The following NTNG1 variants were observed in gnomAD, a reference collection of about 807,000 sequenced individuals.
The protein encoded by NTNG1 is netrin G1.
NTNG1 carries 16 observed loss-of-function variants against 54.0 expected under a neutral mutation model. That is an observed-to-expected ratio of 0.30 (90% CI 0.20 to 0.45). The LOEUF is 0.45. Among genes scored for constraint, NTNG1 ranks in the 20% least tolerant of loss-of-function variants. The probability of loss-of-function intolerance (pLI) is 1.00; values close to 1 mark genes in which losing one functional copy is unlikely to be tolerated. For missense variants in NTNG1, 530 were observed against 678.7 expected, an observed-to-expected ratio of 0.78 and a Z score of 2.43; for synonymous variants, 255 against 263.1, an observed-to-expected ratio of 0.97 and a Z score of 0.30.
At chr1:107,301,350 G>T (rs1666298805) in intron 2 of NTNG1, among the ~76,000 whole-genome samples, 1 of 151,928 alleles carries the variant, frequency 6.6e-6, no homozygotes, top group South Asian at 2.1e-4. Flanking sequence ...AACACAGAAA[G>T]AAACACAAAC....
chr1:107,311,144 G>T lies in NTNG1; in HGVS notation c.247-13138G>T, dbSNP rs562428219. On this transcript the variant is annotated intron_variant, in intron 2 of 7. Coordinates refer to ENST00000370068, the MANE Select transcript of NTNG1 (RefSeq NM_001113226.3). ...TGACAATTTTTTCAAGACTTTTCCC[G>T]ACTGAGACACCTCCATGCATGACCA... Among the ~76,000 whole-genome samples, 138 of 152,132 alleles carry T rather than the reference G, an allele frequency of 9.1e-4. No homozygotes were observed. The Middle Eastern group carries it at 0.014, about 15-fold the overall frequency.
At chr1:107,443,174 C>T (rs1676078856) in intron 7 of NTNG1, among the ~76,000 whole-genome samples, 1 of 152,114 alleles carries the variant, frequency 6.6e-6, no homozygotes, top group East Asian at 1.9e-4. Context: ...TTGCCCACCT[C>T]AGTTTATAGT....
At chr1:107,373,004 G>A (rs188771134) in intron 3 of NTNG1, among the ~76,000 whole-genome samples, 144 of 151,968 alleles carry the variant, frequency 9.5e-4, no homozygotes, top group Non-Finnish European at 1.7e-3. Flanking sequence ...CACCCTTTTC[G>A]TGGGCAGCAT....
At chr1:107,414,980 A>G (rs959046840) in intron 5 of NTNG1, among the ~76,000 whole-genome samples, 1 of 152,182 alleles carries the variant, frequency 6.6e-6, no homozygotes, top group African/African-American at 2.4e-5. Flanking sequence ...CTGAAAATTC[A>G]GACTAATAAT....
chr1:107,324,782 A>G lies in NTNG1; in HGVS notation c.747A>G (p.Thr249=). 2 of 1,613,632 alleles carry G rather than the reference A, an allele frequency of 1.2e-6. No individual in the cohort carries two copies. The highest frequency in any genetic ancestry group is 1.7e-6 in the Non-Finnish European group (2 of 1,179,772). Reference sequence around the variant, plus strand: ...CTTCCCTCTACGGACAGCTGGATACAACCAAGAAACTCAGAGATTTCTTTA... The same window carrying G: ...CTTCCCTCTACGGACAGCTGGATACGACCAAGAAACTCAGAGATTTCTTTA... The part of the protein sequence containing the change: ...NMASLYGQLD[T]TKKLRDFFTV... The change falls in exon 3 of 8, where the codon ACA becomes ACG. Residue 249 remains threonine (T), a synonymous_variant. Coordinates refer to ENST00000370068, the MANE Select transcript of NTNG1 (RefSeq NM_001113226.3).
intron 7 of NTNG1, among the ~76,000 whole-genome samples, chr1:107,453,520 T>C (rs551439911): frequency 6.6e-6 from 1 of 152,324 alleles, no homozygotes; most frequent in African/African-American, 2.4e-5. Flanking sequence ...TGTTTGAAAA[T>C]ATGAATAGAG....
intron 1 of NTNG1, among the ~76,000 whole-genome samples, chr1:107,142,332 C>T (rs1157580698): frequency 1.3e-5 from 2 of 149,522 alleles, no homozygotes. Context: ...CTTCAGAAAT[C>T]CACTTAAGAG....
intron 2 of NTNG1, among the ~76,000 whole-genome samples, chr1:107,269,124 C>T (rs3125680): frequency 2.0e-5 from 3 of 152,098 alleles, no homozygotes; most frequent in Admixed American, 2.0e-4. Context: ...TTTTTAGTGA[C>T]CCAGCTACCT....
intron 2 of NTNG1, among the ~76,000 whole-genome samples, chr1:107,312,656 A>G (rs566514957): frequency 1.5e-4 from 23 of 152,254 alleles, no homozygotes; most frequent in Non-Finnish European, 3.1e-4. Context: ...CTTTCTAAAT[A>G]CAGGTTCCTG....
chr1:107,378,152 G>C (rs184882688), intron 3 of NTNG1, among the ~76,000 whole-genome samples: 2 of 152,196 alleles, frequency 1.3e-5, no homozygotes, highest in East Asian at 3.8e-4. Flanking sequence ...CCGAAGCTCA[G>C]AGAAATTAGA....
At chr1:107,343,807 C>T (rs1669065934) in intron 3 of NTNG1, among the ~76,000 whole-genome samples, 1 of 152,116 alleles carries the variant, frequency 6.6e-6, no homozygotes, top group Admixed American at 6.6e-5. Flanking sequence ...AAGGAGCCTC[C>T]TGAAGGCTGC....
intron 7 of NTNG1, among the ~76,000 whole-genome samples, chr1:107,460,766 G>A (rs1677234560): frequency 6.6e-6 from 1 of 152,196 alleles, no homozygotes; most frequent in Admixed American, 6.5e-5. Context: ...CTGCTGGATT[G>A]CCAAGTGCAT....
chr1:107,477,157 G>T (rs116638058), intron 7 of NTNG1, among the ~76,000 whole-genome samples: 1,570 of 152,292 alleles, frequency 0.01, 33 homozygotes, highest in African/African-American at 0.036. Context: ...CACCTCTAAG[G>T]TGGGGTAATG....
chr1:107,363,130 T>C (rs1670392887), intron 3 of NTNG1, among the ~76,000 whole-genome samples: 1 of 152,228 alleles, frequency 6.6e-6, no homozygotes, highest in Non-Finnish European at 1.5e-5. Context: ...TTCCTTGTGT[T>C]GTAAATATGA....
At chr1:107,306,125 AACT>A (rs1473555078) in intron 2 of NTNG1, among the ~76,000 whole-genome samples, 2 of 152,206 alleles carry the variant, frequency 1.3e-5, no homozygotes, top group Non-Finnish European at 2.9e-5. Flanking sequence ...TGATTACTTA[AACT>A]ACTACTATCC....
At chr1:107,320,244 A>G (rs1339074449) in intron 2 of NTNG1, among the ~76,000 whole-genome samples, 1 of 152,110 alleles carries the variant, frequency 6.6e-6, no homozygotes, top group East Asian at 1.9e-4. Flanking sequence ...AGTCATAAAT[A>G]TTTTCTGCTT....
intron 2 of NTNG1, among the ~76,000 whole-genome samples, chr1:107,237,964 T>C (rs1232520323): frequency 6.6e-6 from 1 of 152,052 alleles, no homozygotes; most frequent in African/African-American, 2.4e-5. Context: ...CACCACCTAG[T>C]GGAGCTGTGA....
Position 107,480,669 on chromosome 1 carries a change from C to G in NTNG1, c.1449C>G (p.Asn483Lys). ...HCQNGGTCHN[N>K]VRCLCPAAYT... ...AGAACGGAGGGACGTGCCACAACAA[C>G]GTGCGCTGCCTGTGCCCGGCCGCAT... Residue 483 changes from asparagine (N) to lysine (K), a missense_variant, in exon 8 of 8, where the codon AAC becomes AAG. Coordinates refer to ENST00000370068, the MANE Select transcript of NTNG1 (RefSeq NM_001113226.3). The G allele has an allele frequency of 7.1e-7, 1 of 1,407,494 alleles. No homozygotes were observed. The highest frequency in any genetic ancestry group is 9.5e-7 in the Non-Finnish European group (1 of 1,051,066). 87.2% of individuals were successfully genotyped at this position (1,407,494 alleles called of 1,614,324 possible). A position where few individuals can be genotyped will look rare whatever the true frequency, so the allele number is the denominator to read the frequency against.
intron 2 of NTNG1, among the ~76,000 whole-genome samples, chr1:107,294,576 C>T (rs1291107906): frequency 6.6e-6 from 1 of 152,098 alleles, no homozygotes; most frequent in South Asian, 2.1e-4. Flanking sequence ...GTAATAGCAC[C>T]TTCACTAGAC....
Sources: allele counts gnomAD v4.1 joint callset (sites outside exome capture counted in the v4.1 genomes callset), GRCh38; gene constraint gnomAD v4.1.1; transcripts MANE v1.5; gene names NCBI Gene and HGNC (gene_info 2026-07-23, HGNC 2026-07-21).